PIK3CB: variants seen among roughly 807,000 people sequenced by gnomAD.
PIK3CB encodes phosphatidylinositol 4,5-bisphosphate 3-kinase catalytic subunit beta isoform.
A neutral mutation model predicts 136.8 loss-of-function variants in PIK3CB; 39 were observed. The observed-to-expected ratio is 0.29, with a 90% CI of 0.22 to 0.37. The LOEUF (loss-of-function observed/expected upper bound fraction) is 0.37, where lower values mean the gene tolerates loss of function less well. Ranked by LOEUF, PIK3CB falls within the 10% of genes least tolerant of loss-of-function variation. PIK3CB has a pLI of 1.00. For missense variants in PIK3CB, 868 were observed against 1,275.4 expected, an observed-to-expected ratio of 0.68 and a Z score of 4.87; for synonymous variants, 428 against 436.6, an observed-to-expected ratio of 0.98 and a Z score of 0.25.
chr3:138,770,367 GT>G (rs1197262263), intron 2 of PIK3CB: 1 of 152,086 alleles, frequency 6.6e-6, no homozygotes, highest in African/African-American at 2.4e-5. Flanking sequence ...ACATAAATTT[GT>G]TCTATAGGTG....
At chr3:138,733,943 T>C (rs1049235817) in intron 7 of PIK3CB, among the ~76,000 whole-genome samples, 11 of 152,088 alleles carry the variant, frequency 7.2e-5, no homozygotes, top group Admixed American at 2.6e-4. Context: ...TGGCAAAACA[T>C]AGGCAGCATT....
intron 1 of PIK3CB, among the ~76,000 whole-genome samples, chr3:138,820,848 AT>A (rs920254429): frequency 7.9e-5 from 12 of 152,020 alleles, no homozygotes; most frequent in African/African-American, 2.9e-4. Context: ...GGAACGTCCT[AT>A]TTTTTTTAAA....
At position 138,663,900 on chromosome 3, in the gene PIK3CB, G is replaced by A. The variant is rs2108417445; in HGVS notation, c.2796+6C>T. 1 of 1,612,704 alleles carries A rather than the reference G, an allele frequency of 6.2e-7. No homozygotes were observed. The stretch of plus-strand genomic sequence containing the variant: ...GGCCCTTGGCAGATCCTGAGGAGCA[G>A]CTCACCTGGCCAGTTTTTTTGACCA... On this transcript the variant is annotated splice_donor_region_variant and intron_variant, in intron 21 of 23. Transcript: ENST00000674063.
chr3:138,710,199 C>A (rs2044468735), intron 10 of PIK3CB, among the ~76,000 whole-genome samples: 1 of 151,784 alleles, frequency 6.6e-6, no homozygotes, highest in African/African-American at 2.4e-5. Context: ...AACAAACAAA[C>A]AAAAAGAAAT....
At chr3:138,663,572 G>T (rs758992262) in intron 21 of PIK3CB, among the ~76,000 whole-genome samples, 2 of 151,996 alleles carry the variant, frequency 1.3e-5, no homozygotes, top group Non-Finnish European at 2.9e-5. Flanking sequence ...AGTAGAGACG[G>T]GGTTTCGCCA....
At chr3:138,777,811 C>T in intron 2 of PIK3CB, 1 of 192,402 alleles carries the variant, frequency 5.2e-6, no homozygotes, top group Non-Finnish European at 1.1e-5. Context: ...ACACCCATCA[C>T]ATCCCTGAGA....
At position 138,834,907 on chromosome 3, in the gene PIK3CB, C is replaced by T. The variant is rs922968580; in HGVS notation, c.-334G>A. ...GGCCGACAGAGCACGCGCGCGCCGC[C>T]GCCGAACCCGCGCCCGTGTGCGCGC... On this transcript the variant is annotated 5_prime_UTR_variant, in exon 1 of 24. Transcript: ENST00000674063. 6.6e-6 allele frequency: 1 copy of T among 150,944 alleles called. No individual in the cohort carries two copies. The highest frequency in any genetic ancestry group is 1.5e-5 in the Non-Finnish European group (1 of 67,614). The allele number at this position is 150,944 out of a possible 1,614,324, so 9.4% of individuals were successfully genotyped here. A position where few individuals can be genotyped will look rare whatever the true frequency, so the allele number is the denominator to read the frequency against.
chr3:138,778,337 G>C (rs2045884091), intron 2 of PIK3CB: 2 of 339,186 alleles, frequency 5.9e-6, no homozygotes, highest in Non-Finnish European at 1.2e-5. Flanking sequence ...CATCATGGGA[G>C]GAATCATGAC....
At chr3:138,760,731 C>A (rs1358377040) in intron 2 of PIK3CB, among the ~76,000 whole-genome samples, 1 of 151,890 alleles carries the variant, frequency 6.6e-6, no homozygotes, top group Non-Finnish European at 1.5e-5. Context: ...ACAAACAAGA[C>A]CCTGTCTCTA....
intron 8 of PIK3CB, among the ~76,000 whole-genome samples, chr3:138,721,407 C>T (rs190127536): frequency 1.4e-4 from 22 of 152,252 alleles, no homozygotes; most frequent in African/African-American, 5.1e-4. Context: ...TCAGGTGTTC[C>T]ACTTGTCTGG....
At chr3:138,807,534 G>T (rs1422350072) in intron 1 of PIK3CB, among the ~76,000 whole-genome samples, 1 of 152,042 alleles carries the variant, frequency 6.6e-6, no homozygotes, top group Non-Finnish European at 1.5e-5. Context: ...TGTCAACAGA[G>T]GACTGGTTAG....
At position 138,711,938 on chromosome 3, in the gene PIK3CB, T is replaced by G. The variant is rs531534640; in HGVS notation, c.1399+270A>C. On this transcript the variant is annotated intron_variant, in intron 10 of 23. Transcript: ENST00000674063. Reference sequence around the variant, plus strand: ...CAGCCTTGGCAGTATAGCGAGACCTTGTCTCGACAAAATAAAAAAAAATAA... The same window carrying G: ...CAGCCTTGGCAGTATAGCGAGACCTGGTCTCGACAAAATAAAAAAAAATAA... Among the ~76,000 whole-genome samples, 160 of 151,812 alleles carry G rather than the reference T, an allele frequency of 1.1e-3. 1 individual carries two copies. The highest frequency in any genetic ancestry group is 1.4e-3 in the Non-Finnish European group (98 of 67,938).
chr3:138,655,408 C>T lies in PIK3CB; in HGVS notation c.3194G>A (p.Arg1065Gln), dbSNP rs1384758874. The T allele has an allele frequency of 6.2e-7, 1 of 1,613,960 alleles. No individual in the cohort carries two copies. Among genetic ancestry groups the T allele is most frequent in the Non-Finnish European group, 8.5e-7 (1 of 1,179,966 alleles). The change falls in exon 24 of 24, where the codon CGG becomes CAG. Residue 1065 changes from arginine to glutamine, a missense_variant. This residue lies in a region of PIK3CB where 88 missense variants were observed against 147.8 expected (regional missense o/e 0.60). Coordinates refer to ENST00000674063, the MANE Select transcript of PIK3CB (RefSeq NM_006219.3). The part of the protein sequence containing the change: ...TKVNWMAHTV[R>Q]KDYRS ...TGATCGTTAAGATCTGTAGTCTTTC[C>T]GAACTGTGTGGGCCATCCAGTTCAC...
chr3:138,745,064 G>C (rs2045326247), intron 4 of PIK3CB, among the ~76,000 whole-genome samples: 1 of 152,114 alleles, frequency 6.6e-6, no homozygotes, highest in African/African-American at 2.4e-5. Flanking sequence ...TACTGTTTTG[G>C]GTTTGATAGC....
At chr3:138,707,095 A>T in intron 11 of PIK3CB, 64 bp downstream of exon 11, 1 of 1,005,540 alleles carries the variant, frequency 9.9e-7, no homozygotes, top group Non-Finnish European at 1.6e-6. Flanking sequence ...AGCTTAAACT[A>T]TACATAGAGG....
chr3:138,675,459 G>T (rs1456087856), intron 19 of PIK3CB, among the ~76,000 whole-genome samples: 1 of 152,064 alleles, frequency 6.6e-6, no homozygotes, highest in Non-Finnish European at 1.5e-5. Context: ...ATATGTCCAG[G>T]ATGCTCAATT....
chr3:138,742,776 G>A lies in PIK3CB; in HGVS notation c.403C>T (p.His135Tyr). The A allele has an allele frequency of 6.3e-7, 1 of 1,590,846 alleles. No homozygotes were observed. The highest frequency in any genetic ancestry group is 8.6e-7 in the Non-Finnish European group (1 of 1,161,506). ...KIGVLIGKGL[H>Y]EFDSLKDPEV... ...GGATCCTTCAAGGAATCAAATTCAT[G>A]CAGACCTAAACACATTTTTTAAAGG... The change falls in exon 5 of 24, where the codon CAT (histidine) becomes TAT (tyrosine). Residue 135 changes from histidine to tyrosine, a missense_variant. By Grantham distance (83) the His-to-Tyr change is moderately conservative. Around this residue, in one of 4 missense-constraint regions of PIK3CB, gnomAD observed 612 missense variants for 801.1 expected, o/e 0.76. Transcript: ENST00000674063.
At chr3:138,770,734 C>CT (rs1037782717) in intron 2 of PIK3CB, among the ~76,000 whole-genome samples, 1 of 151,962 alleles carries the variant, frequency 6.6e-6, no homozygotes, top group Non-Finnish European at 1.5e-5. Flanking sequence ...TGTTTTGAGA[C>CT]TAAGTCTTGC....
chr3:138,666,719 T>C (rs762859059), intron 19 of PIK3CB, among the ~76,000 whole-genome samples: 3 of 152,186 alleles, frequency 2.0e-5, no homozygotes, highest in Non-Finnish European at 4.4e-5. Context: ...ATGGATGGAA[T>C]TCATGCACTC....
Sources: gnomAD v4.1 joint callset for allele counts (sites outside exome capture counted in the v4.1 genomes callset) on GRCh38, gnomAD v4.1.1 for gene constraint, gnomAD v4.1.1 regional missense constraint, MANE v1.5 for transcripts, NCBI Gene and HGNC (gene_info 2026-07-23, HGNC 2026-07-21) for gene names.